Variants in PPP3CA observed in about 807,000 individuals in gnomAD.
PPP3CA encodes the protein CAM-PRP catalytic subunit.
In PPP3CA, 14 loss-of-function variants were observed where a neutral mutation model predicts 66.5. The ratio of observed to expected loss-of-function variants is 0.21; its 90% CI spans 0.14 to 0.33. The LOEUF (loss-of-function observed/expected upper bound fraction) is 0.33, where lower values mean the gene tolerates loss of function less well. Among genes scored for constraint, PPP3CA ranks in the 10% least tolerant of loss-of-function variants. PPP3CA has a pLI of 1.00. For missense variants in PPP3CA, 317 were observed against 639.5 expected (o/e 0.50, Z 5.44); for synonymous variants, 232 against 226.2 (o/e 1.03, Z -0.23).
At chr4:101,192,862 T>G (rs997135193) in intron 2 of PPP3CA, among the ~76,000 whole-genome samples, 6 of 152,216 alleles carry the variant, frequency 3.9e-5, no homozygotes, top group African/African-American at 1.4e-4. Context: ...ATGTCTCATA[T>G]GTTTTATCAT....
intron 8 of PPP3CA, among the ~76,000 whole-genome samples, chr4:101,070,494 A>C (rs984397050): frequency 2.6e-5 from 4 of 152,200 alleles, no homozygotes; most frequent in Non-Finnish European, 4.4e-5. Flanking sequence ...CAACTGCATG[A>C]ACTTGGGCAA....
intron 2 of PPP3CA, among the ~76,000 whole-genome samples, chr4:101,141,396 G>A (rs1326552082): frequency 6.6e-6 from 1 of 152,006 alleles, no homozygotes; most frequent in African/African-American, 2.4e-5. Context: ...AACCCCTGCA[G>A]TGTCATATTT....
At chr4:101,329,022 T>G (rs540800030) in intron 1 of PPP3CA, among the ~76,000 whole-genome samples, 1 of 145,282 alleles carries the variant, frequency 6.9e-6, no homozygotes, top group Non-Finnish European at 1.5e-5. Flanking sequence ...AAGTGAAAAG[T>G]TGCACATGTT....
intron 1 of PPP3CA, among the ~76,000 whole-genome samples, chr4:101,221,610 A>T (rs2110214296): frequency 6.6e-6 from 1 of 151,780 alleles, no homozygotes; most frequent in East Asian, 1.9e-4. Context: ...ATAAGAAGAA[A>T]TTATTCTAAA....
intron 1 of PPP3CA, among the ~76,000 whole-genome samples, chr4:101,329,038 T>G (rs1729292097): frequency 6.6e-6 from 1 of 152,098 alleles, no homozygotes; most frequent in Non-Finnish European, 1.5e-5. Context: ...ATGTTTCACT[T>G]TAAATCAAAA....
At chr4:101,331,268 T>G (rs1729376883) in intron 1 of PPP3CA, among the ~76,000 whole-genome samples, 1 of 152,160 alleles carries the variant, frequency 6.6e-6, no homozygotes, top group Non-Finnish European at 1.5e-5. Flanking sequence ...CATAAGGTAC[T>G]TAAAATGAGG....
chr4:101,026,651 A>G (rs547206611), intron 13 of PPP3CA, among the ~76,000 whole-genome samples: 27 of 127,468 alleles, frequency 2.1e-4, no homozygotes, highest in African/African-American at 6.4e-4. Flanking sequence ...CAATGATGAC[A>G]TGAAAAAAAA....
intron 1 of PPP3CA, among the ~76,000 whole-genome samples, chr4:101,297,545 C>A (rs183507990): frequency 5.3e-5 from 8 of 152,232 alleles, no homozygotes; most frequent in Non-Finnish European, 1.0e-4. Flanking sequence ...GGCATCATGG[C>A]CAATTGTACC....
At chr4:101,304,866 T>G (rs1218282310) in intron 1 of PPP3CA, among the ~76,000 whole-genome samples, 1 of 152,234 alleles carries the variant, frequency 6.6e-6, no homozygotes, top group African/African-American at 2.4e-5. Context: ...CTTATTTTTA[T>G]GTGCTACAAT....
chr4:101,316,031 G>A (rs1728873893), intron 1 of PPP3CA, among the ~76,000 whole-genome samples: 1 of 152,024 alleles, frequency 6.6e-6, no homozygotes, highest in South Asian at 2.1e-4. Context: ...CTAGGAAGCA[G>A]GGTAAGAAAC....
intron 11 of PPP3CA, among the ~76,000 whole-genome samples, chr4:101,033,388 G>A (rs918028056): frequency 1.8e-4 from 28 of 151,842 alleles, no homozygotes; most frequent in Non-Finnish European, 4.0e-4. Context: ...GGTGTCTCAC[G>A]TGACTCAAAC....
chr4:101,033,355 T>TATC (rs1179688303), intron 11 of PPP3CA, among the ~76,000 whole-genome samples: 4 of 151,376 alleles, frequency 2.6e-5, no homozygotes, highest in Non-Finnish European at 4.4e-5. Context: ...TATGTAGAAT[T>TATC]ATCTACTCCA....
intron 1 of PPP3CA, among the ~76,000 whole-genome samples, chr4:101,284,466 T>G (rs1727775588): frequency 6.6e-6 from 1 of 152,202 alleles, no homozygotes; most frequent in Admixed American, 6.5e-5. Flanking sequence ...TTGCTTTTGT[T>G]TCTGAACAGT....
intron 2 of PPP3CA, among the ~76,000 whole-genome samples, chr4:101,146,588 G>A (rs1175661771): frequency 6.6e-6 from 1 of 151,976 alleles, no homozygotes; most frequent in Admixed American, 6.6e-5. Flanking sequence ...GACTACAGGT[G>A]CGCACCACCA....
chr4:101,026,524 T>C (rs1726659278), intron 13 of PPP3CA, among the ~76,000 whole-genome samples: 1 of 152,132 alleles, frequency 6.6e-6, no homozygotes, highest in African/African-American at 2.4e-5. Flanking sequence ...ATGTTTGCTA[T>C]ACCTAAAAAC....
chr4:101,324,075 T>C (rs1052577561), intron 1 of PPP3CA, among the ~76,000 whole-genome samples: 5 of 149,750 alleles, frequency 3.3e-5, no homozygotes, highest in Non-Finnish European at 7.4e-5. Flanking sequence ...ACCACTGCAC[T>C]CCAGCCTGGG....
chr4:101,180,889 T>C (rs978820945), intron 2 of PPP3CA, among the ~76,000 whole-genome samples: 3 of 151,968 alleles, frequency 2.0e-5, no homozygotes, highest in Middle Eastern at 3.2e-3. Flanking sequence ...TAGCAGGGCA[T>C]GGTGGTGTGC....
intron 1 of PPP3CA, among the ~76,000 whole-genome samples, chr4:101,333,068 A>G (rs1389871323): frequency 1.3e-5 from 2 of 150,444 alleles, no homozygotes; most frequent in African/African-American, 4.9e-5. Flanking sequence ...GAGTTACAAT[A>G]GCTGCAGAAT....
rs1730046892 is a variant in PPP3CA, at chr4:101,347,315, G to GGCC, written c.-522_-520dup. Reference sequence around the variant, plus strand: ...TTGGCGTCCCCGGCGGCGGAGAGGCGGCCGCCGCTGCTGCCGCTGCTGCTG... The same window carrying GGCC: ...TTGGCGTCCCCGGCGGCGGAGAGGCGGCCGCCGCCGCTGCTGCCGCTGCTGCTG... On this transcript the variant is annotated 5_prime_UTR_variant, in exon 1 of 14. Coordinates refer to ENST00000394854, the MANE Select transcript of PPP3CA (RefSeq NM_000944.5). 1 of 200,522 alleles carries GGCC rather than the reference G, an allele frequency of 5.0e-6. No individual in the cohort carries two copies. Among genetic ancestry groups the GGCC allele is most frequent in the South Asian group, 7.2e-5 (1 of 13,844 alleles). 12.4% of individuals were successfully genotyped at this position (200,522 alleles called of 1,614,324 possible).
Sources: allele counts gnomAD v4.1 joint callset (sites outside exome capture counted in the v4.1 genomes callset), GRCh38; gene constraint gnomAD v4.1.1; transcripts MANE v1.5; gene names NCBI Gene and HGNC (gene_info 2026-07-23, HGNC 2026-07-21).